Variants in DIP2C observed in about 807,000 individuals in gnomAD.
DIP2C encodes the protein disco-interacting protein 2 homolog C.
In DIP2C, 33 loss-of-function variants were observed where a neutral mutation model predicts 192.4. The ratio of observed to expected loss-of-function variants is 0.17; its 90% confidence interval spans 0.13 to 0.23. The LOEUF (loss-of-function observed/expected upper bound fraction) is 0.23, where lower values mean the gene tolerates loss of function less well. Ranked by LOEUF, DIP2C falls within the 10% of genes least tolerant of loss-of-function variation. DIP2C has a pLI of 1.00. For synonymous variants in DIP2C, 979 were observed against 864.1 expected (o/e 1.13, Z -2.33); for missense variants, 1,537 against 2,110.1 (o/e 0.73, Z 5.32).
intron 1 of DIP2C, among the ~76,000 whole-genome samples, chr10:655,881 C>T (rs567228503): frequency 1.3e-5 from 2 of 148,516 alleles, no homozygotes; most frequent in Admixed American, 6.7e-5. Flanking sequence ...TCTATGTTAC[C>T]CTATAGAACA....
chr10:633,314 G>C (rs1368989145), intron 1 of DIP2C, among the ~76,000 whole-genome samples: 1 of 152,234 alleles, frequency 6.6e-6, no homozygotes, highest in Non-Finnish European at 1.5e-5. Context: ...GCACTGAGCA[G>C]AGAGAGAAAA....
At chr10:610,245 G>A (rs1852990242) in intron 1 of DIP2C, among the ~76,000 whole-genome samples, 2 of 152,182 alleles carry the variant, frequency 1.3e-5, no homozygotes, top group Non-Finnish European at 2.9e-5. Context: ...TCTCACTCAT[G>A]AGCAGGAGCT....
chr10:532,551 G>GAA lies in DIP2C; in HGVS notation c.86-46022_86-46021insTT, dbSNP rs59979748. Among the ~76,000 whole-genome samples the GAA allele has an allele frequency of 8.4e-5, 12 of 142,036 alleles. 2 individuals carry two copies. Among genetic ancestry groups the GAA allele is most frequent in the Non-Finnish European group, 1.6e-4 (10 of 63,890 alleles). The allele number at this position is 142,036 out of a possible 152,430, so 93.2% of individuals were successfully genotyped here. A position where few individuals can be genotyped will look rare whatever the true frequency, so the allele number is the denominator to read the frequency against. On this transcript the variant is annotated intron_variant, in intron 1 of 36. Coordinates refer to ENST00000280886, the MANE Select transcript of DIP2C (RefSeq NM_014974.3). ...TGTGAGAGAGTATGGGTGTGAGAGA[G>GAA]TATGGGTGAGAGAGAGAGTATGGGT...
At chr10:432,191 G>C (rs1185876006) in intron 4 of DIP2C, among the ~76,000 whole-genome samples, 1 of 151,996 alleles carries the variant, frequency 6.6e-6, no homozygotes, top group Non-Finnish European at 1.5e-5. Flanking sequence ...TCCAGTTTTG[G>C]TATTAAAATG....
At chr10:574,017 GTCTTCT>G in intron 1 of DIP2C, among the ~76,000 whole-genome samples, 1 of 152,168 alleles carries the variant, frequency 6.6e-6, no homozygotes, top group East Asian at 1.9e-4. Context: ...ACTTTATTCT[GTCTTCT>G]ACTCAAATTA....
chr10:662,039 C>G (rs1285474926), intron 1 of DIP2C: 3 of 716,332 alleles, frequency 4.2e-6, no homozygotes, highest in South Asian at 3.0e-5. Flanking sequence ...CCTGGCCTGT[C>G]CCCCGTGGCT....
chr10:337,129 GCTGTGT>G (rs1957842207), intron 29 of DIP2C, among the ~76,000 whole-genome samples: 1 of 16,366 alleles, frequency 6.1e-5, no homozygotes, highest in African/African-American at 1.3e-4. Context: ...GGCCTAGGCA[GCTGTGT>G]GTGTGTGTGT....
intron 1 of DIP2C, among the ~76,000 whole-genome samples, chr10:499,311 T>C (rs1845065441): frequency 6.8e-6 from 1 of 147,802 alleles, no homozygotes; most frequent in Non-Finnish European, 1.5e-5. Context: ...TCTCCCTGTG[T>C]GGACGGCTGG....
At chr10:669,314 C>G (rs949833420) in intron 1 of DIP2C, 1 of 152,242 alleles carries the variant, frequency 6.6e-6, no homozygotes, top group South Asian at 2.1e-4. Context: ...AAGACAGAAG[C>G]AAGGGGGTGC....
chr10:477,102 T>C (rs78411391), intron 2 of DIP2C, among the ~76,000 whole-genome samples: 2,195 of 146,118 alleles, frequency 0.015, 58 homozygotes, highest in African/African-American at 0.053. Context: ...CAGCAGGAGA[T>C]ACAAGGTACA....
At chr10:580,353 G>T (rs1277229262) in intron 1 of DIP2C, among the ~76,000 whole-genome samples, 1 of 152,182 alleles carries the variant, frequency 6.6e-6, no homozygotes, top group Non-Finnish European at 1.5e-5. Flanking sequence ...GTACATGCAT[G>T]CTTACAGTGT....
At chr10:645,337 G>A (rs1168213561) in intron 1 of DIP2C, among the ~76,000 whole-genome samples, 1 of 152,160 alleles carries the variant, frequency 6.6e-6, no homozygotes, top group East Asian at 1.9e-4. Flanking sequence ...CAGGGGGTGT[G>A]GTGTAAGGTG....
chr10:428,467 T>C (rs1966738444), intron 4 of DIP2C, among the ~76,000 whole-genome samples: 1 of 152,232 alleles, frequency 6.6e-6, no homozygotes, highest in South Asian at 2.1e-4. Context: ...TTAAAAAATG[T>C]CTTTCCATGG....
chr10:689,668 G>A lies in DIP2C; in HGVS notation c.-90C>T. The A allele has an allele frequency of 1.1e-6, 1 of 901,428 alleles. No individual in the cohort carries two copies. Among genetic ancestry groups the A allele is most frequent in the Non-Finnish European group, 1.3e-6 (1 of 741,844 alleles). 55.8% of individuals were successfully genotyped at this position (901,428 alleles called of 1,614,324 possible). A position where few individuals can be genotyped will look rare whatever the true frequency, so the allele number is the denominator to read the frequency against. On this transcript the variant is annotated 5_prime_UTR_variant, in exon 1 of 37. Coordinates refer to ENST00000280886, the MANE Select transcript of DIP2C (RefSeq NM_014974.3). The surrounding 1 kb of genome is among the most constrained non-coding windows in gnomAD (Gnocchi z 6.1). ...CTCGCGCCCGGCGGAACCGCACCGAGGAGGAGGCGGCGGCGCGGGCGCGGG... is the reference window on the plus strand; with the variant it reads ...CTCGCGCCCGGCGGAACCGCACCGAAGAGGAGGCGGCGGCGCGGGCGCGGG...
In DIP2C at chr10:277,053, A is replaced by T. The variant is rs758055818; in HGVS notation, c.*272T>A. 26 of 263,992 alleles carry T rather than the reference A, an allele frequency of 9.8e-5. No individual in the cohort carries two copies. The highest frequency in any genetic ancestry group is 1.5e-4 in the Non-Finnish European group (25 of 163,138). 16.4% of individuals were successfully genotyped at this position (263,992 alleles called of 1,614,324 possible). ...ATTATCCAATAATTAAAAAAGAAAG[A>T]AAAGAAAAGAAAGTTTTGAAATGGG... On this transcript the variant is annotated 3_prime_UTR_variant, in exon 37 of 37. Transcript: ENST00000280886.
rs1380135403 is a variant in DIP2C at position 337,028 on chromosome 10, TGTGTTGTGGAGGCCTAGACTG to T, written c.3584+4150_3584+4170del. Among the ~76,000 whole-genome samples the T allele has an allele frequency of 2.6e-4, 18 of 68,766 alleles. 2 individuals are homozygous for T. The highest frequency in any genetic ancestry group is 8.9e-4 in the East Asian group (2 of 2,248). 45.1% of individuals were successfully genotyped at this position (68,766 alleles called of 152,430 possible). On this transcript the variant is annotated intron_variant, in intron 29 of 36. Transcript: ENST00000280886. ...CTAGGCAGCTGTGTGTGTGTGTGTG[TGTGTTGTGGAGGCCTAGACTG>T]GTGTGTGTGTGTGTGTGTGTGTGTT...
At chr10:471,649 C>T (rs1303686883) in intron 3 of DIP2C, among the ~76,000 whole-genome samples, 1 of 152,144 alleles carries the variant, frequency 6.6e-6, no homozygotes, top group Non-Finnish European at 1.5e-5. Flanking sequence ...GCCCTGGGAA[C>T]TACAAAAGAA....
intron 1 of DIP2C, among the ~76,000 whole-genome samples, chr10:498,741 C>A (rs1325418049): frequency 6.6e-6 from 1 of 152,188 alleles, no homozygotes; most frequent in Non-Finnish European, 1.5e-5. Flanking sequence ...CCTCTCAGCT[C>A]CAGCACACCT....
At chr10:364,171 A>G (rs1230849336) in intron 20 of DIP2C, among the ~76,000 whole-genome samples, 1 of 152,204 alleles carries the variant, frequency 6.6e-6, no homozygotes, top group Non-Finnish European at 1.5e-5. Context: ...ATATTTATGG[A>G]GCTCAGGGAA....
Sources: gnomAD v4.1 joint callset for allele counts (sites outside exome capture counted in the v4.1 genomes callset) on GRCh38, gnomAD v4.1.1 for gene constraint, Gnocchi (gnomAD v3.1) non-coding constraint, MANE v1.5 for transcripts, NCBI Gene and HGNC (gene_info 2026-07-23, HGNC 2026-07-21) for gene names.